The following ETFB variants were observed in gnomAD, a reference collection of about 807,000 sequenced individuals.
The protein encoded by ETFB is beta-ETF.
ETFB carries 20 observed loss-of-function variants against 25.6 expected under a neutral mutation model. That is an observed-to-expected ratio of 0.78 (90% CI 0.55 to 1.14). The LOEUF (loss-of-function observed/expected upper bound fraction) is 1.14. ETFB is among the 50% of genes most tolerant of loss of function. ETFB has a pLI of 0.00. For synonymous variants in ETFB, 142 were observed against 146.7 expected (o/e 0.97, Z 0.23); for missense variants, 286 against 342.6 (o/e 0.83, Z 1.30).
chr19:51,345,760 A>G (rs1985759730), intron 5 of ETFB: 1 of 357,692 alleles, frequency 2.8e-6, no homozygotes, highest in South Asian at 2.2e-5. Context: ...CTATAGACTG[A>G]GATGATGCGC....
In ETFB at chr19:51,363,279, GT is replaced by G. The variant is rs912006348; in HGVS notation, c.57+2990del. ...GAGCTACCAGCCTGGGGATGATGGA[GT>G]AGGGCAGTGGGGAACATGGGGTAAA... On this transcript the variant is annotated intron_variant, in intron 1 of 5. Transcript: ENST00000309244. Among the ~76,000 whole-genome samples, 4 of 152,116 alleles carry G rather than the reference GT, an allele frequency of 2.6e-5. No homozygotes were observed. The East Asian group carries it at 7.7e-4, about 29-fold the overall frequency.
intron 1 of ETFB, among the ~76,000 whole-genome samples, chr19:51,361,436 G>C (rs919192900): frequency 1.3e-5 from 2 of 152,134 alleles, no homozygotes; most frequent in East Asian, 3.9e-4. Context: ...CAGAGAACTC[G>C]TCCCTGAGGT....
chr19:51,362,898 C>A (rs536316952), intron 1 of ETFB, among the ~76,000 whole-genome samples: 1 of 152,268 alleles, frequency 6.6e-6, no homozygotes, highest in East Asian at 1.9e-4. Context: ...AATAAGTAAA[C>A]AACACTGTGG....
Position 51,358,573 on chromosome 19 carries a change from C to T in ETFB, c.58-4265G>A, listed in dbSNP as rs546506317. 2.5e-3 allele frequency among the ~76,000 whole-genome samples: 375 copies of T among 152,050 alleles called. 2 individuals carry two copies. Among genetic ancestry groups the T allele is most frequent in the African/African-American group, 7.1e-3 (293 of 41,488 alleles). On this transcript the variant is annotated intron_variant, in intron 1 of 5. Coordinates refer to ENST00000309244, the MANE Select transcript of ETFB (RefSeq NM_001985.3). ...CAGCACTTTGGGAGGCCAAGGTGGG[C>T]GGATCACCTGAGGTCAAGAGTTCAA...
chr19:51,364,549 G>A (rs1489615692), intron 1 of ETFB, among the ~76,000 whole-genome samples: 4 of 152,176 alleles, frequency 2.6e-5, no homozygotes, highest in Non-Finnish European at 4.4e-5. Flanking sequence ...TGGGGGAGAC[G>A]GATCCAATCC....
At position 51,350,167 on chromosome 19, in the gene ETFB, C is replaced by G. The variant is rs1359133340; in HGVS notation, c.438+162G>C. 7 of 752,870 alleles carry G rather than the reference C, an allele frequency of 9.3e-6. No individual in the cohort carries two copies. The Admixed American group carries it at 1.5e-4, about 16-fold the overall frequency. The allele number at this position is 752,870 out of a possible 1,614,324, so 46.6% of individuals were successfully genotyped here. A position where few individuals can be genotyped will look rare whatever the true frequency, so the allele number is the denominator to read the frequency against. ...GAAGGCCCCTTTGAAGAGGTGATAC[C>G]TCAGCAGAGACCTCAAGGAGGGGAA... is the stretch of plus-strand genomic sequence containing the variant. On this transcript the variant is annotated intron_variant, in intron 4 of 5. Transcript: ENST00000309244.
rs542943789 is a variant in ETFB at position 51,356,233 on chromosome 19, C to T, written c.58-1925G>A. On this transcript the variant is annotated intron_variant, in intron 1 of 5. Transcript: ENST00000309244. ...TATTAAACTTTCGCTCCAACCTCAC[C>T]TTTTGGGTGGTCTATGCTCTTTAAT... 2.0e-5 allele frequency: 3 copies of T among 152,156 alleles called. No individual in the cohort carries two copies. The South Asian group carries it at 6.2e-4, about 32-fold the overall frequency. 9.4% of individuals were successfully genotyped at this position (152,156 alleles called of 1,614,324 possible).
chr19:51,351,737 C>T (rs1599841179), intron 3 of ETFB, among the ~76,000 whole-genome samples: 1 of 152,224 alleles, frequency 6.6e-6, no homozygotes, highest in Non-Finnish European at 1.5e-5. Flanking sequence ...TTCTGACTTT[C>T]TCAGGGCTGG....
At chr19:51,365,204 A>T (rs1321837342) in intron 1 of ETFB, 1 of 152,224 alleles carries the variant, frequency 6.6e-6, no homozygotes, top group Admixed American at 6.5e-5. Context: ...CAAAAAATAA[A>T]AATAAATAAT....
rs1360417295 is a variant in ETFB, at chr19:51,346,666, T to C, written c.597+234A>G. ...CTGCTGCCCAGCGAAGGCTTTCTAC[T>C]GGCCTAGATACCAGCAAGCCCTCCC... On this transcript the variant is annotated intron_variant, in intron 5 of 5. Coordinates refer to ENST00000309244, the MANE Select transcript of ETFB (RefSeq NM_001985.3). 5 of 547,742 alleles carry C rather than the reference T, an allele frequency of 9.1e-6. No homozygotes were observed. The East Asian group carries it at 1.2e-4, about 13-fold the overall frequency. 33.9% of individuals were successfully genotyped at this position (547,742 alleles called of 1,614,324 possible).
rs377275395 is a variant in ETFB at position 51,358,469 on chromosome 19, C to T, written c.58-4161G>A. On this transcript the variant is annotated intron_variant, in intron 1 of 5. Coordinates refer to ENST00000309244, the MANE Select transcript of ETFB (RefSeq NM_001985.3). Reference sequence around the variant, plus strand: ...ATCACTTGTGCCCAGGAGTTGGATACTAGCCTGGGCAACAGGTTCTACAAA... The same window carrying T: ...ATCACTTGTGCCCAGGAGTTGGATATTAGCCTGGGCAACAGGTTCTACAAA... Among the ~76,000 whole-genome samples, 21 of 152,098 alleles carry T rather than the reference C, an allele frequency of 1.4e-4. No homozygotes were observed. The South Asian group carries it at 4.4e-3, about 32-fold the overall frequency.
chr19:51,358,647 A>G (rs1348376525), intron 1 of ETFB, among the ~76,000 whole-genome samples: 1 of 152,150 alleles, frequency 6.6e-6, no homozygotes, highest in East Asian at 1.9e-4. Context: ...AAAAATAAAA[A>G]TAAAATAAAA....
At chr19:51,353,008 G>T (rs1985965874) in intron 3 of ETFB, 124 bp downstream of exon 3, 6 of 1,202,662 alleles carry the variant, frequency 5.0e-6, no homozygotes, top group Non-Finnish European at 7.3e-6. Flanking sequence ...AAAGTCCCAA[G>T]CTGCTCAGCC....
At chr19:51,362,204 C>CACAT (rs60638050) in intron 1 of ETFB, among the ~76,000 whole-genome samples, 1,844 of 146,240 alleles carry the variant, frequency 0.013, 12 homozygotes, top group African/African-American at 0.02. Context: ...CACACACACA[C>CACAT]GAATACACTC....
chr19:51,352,583 C>T (rs976308038), intron 3 of ETFB, among the ~76,000 whole-genome samples: 2 of 152,144 alleles, frequency 1.3e-5, no homozygotes, highest in African/African-American at 4.8e-5. Context: ...CTCGGCCTCC[C>T]AGCCTCTAAA....
chr19:51,356,276 G>A (rs1484541576), intron 1 of ETFB: 3 of 152,040 alleles, frequency 2.0e-5, no homozygotes, highest in African/African-American at 4.8e-5. Context: ...GTTGTGAAAC[G>A]AGCTCGGATA....
At chr19:51,359,211 C>T (rs988629082) in intron 1 of ETFB, among the ~76,000 whole-genome samples, 11 of 151,532 alleles carry the variant, frequency 7.3e-5, no homozygotes, top group African/African-American at 1.7e-4. Flanking sequence ...ACCATCATGC[C>T]GGGCTAATTT....
intron 1 of ETFB, among the ~76,000 whole-genome samples, chr19:51,363,963 A>G (rs948450132): frequency 2.0e-5 from 3 of 152,148 alleles, no homozygotes; most frequent in East Asian, 3.9e-4. Context: ...GACCATGAAG[A>G]GGAGGCTGGA....
Position 51,354,955 on chromosome 19 carries a change from G to A in ETFB, c.58-647C>T, listed in dbSNP as rs1209953354. 1.2e-5 allele frequency: 4 copies of A among 342,374 alleles called. No homozygotes were observed. In the East Asian group the frequency reaches 2.5e-4, roughly 22 times the overall value. 21.2% of individuals were successfully genotyped at this position (342,374 alleles called of 1,614,324 possible). On this transcript the variant is annotated intron_variant, in intron 1 of 5. Transcript: ENST00000309244. ...CGGAGCTTACCTAAAACAAACCCAC[G>A]GTTACAGAAACAAGAGAAGCGGAGC...
Sources: gnomAD v4.1 joint callset for allele counts (sites outside exome capture counted in the v4.1 genomes callset) on GRCh38, gnomAD v4.1.1 for gene constraint, MANE v1.5 for transcripts, NCBI Gene and HGNC (gene_info 2026-07-23, HGNC 2026-07-21) for gene names.